Variants in TOGARAM2 observed in about 807,000 individuals in gnomAD.
TOGARAM2 encodes the protein TOG array regulator of axonemal microtubules protein 2.
A neutral mutation model predicts 93.3 loss-of-function variants in TOGARAM2; 85 were observed. That is an observed-to-expected ratio of 0.91 (90% CI 0.76 to 1.09). The LOEUF (loss-of-function observed/expected upper bound fraction) is 1.09, where lower values mean the gene tolerates loss of function less well. TOGARAM2 is among the 50% of genes least tolerant of loss of function. The probability of loss-of-function intolerance (pLI) is 0.00; values close to 1 mark genes in which losing one functional copy is unlikely to be tolerated. For missense variants in TOGARAM2, 1,277 were observed against 1,334.5 expected (o/e 0.96, Z 0.67); for synonymous variants, 593 against 552.8 (o/e 1.07, Z -1.02).
chr2:28,973,372 T>TTCTTTCC (rs1451548104), intron 1 of TOGARAM2, among the ~76,000 whole-genome samples: 6 of 104,426 alleles, frequency 5.7e-5, no homozygotes, highest in East Asian at 1.3e-3. Context: ...TCCTCCTTCC[T>TTCTTTCC]TCCCTTCCTT....
At chr2:29,040,482 G>T (rs953649580) in intron 18 of TOGARAM2, among the ~76,000 whole-genome samples, 1 of 152,184 alleles carries the variant, frequency 6.6e-6, no homozygotes, top group African/African-American at 2.4e-5. Flanking sequence ...AAATCCACCT[G>T]ATAGCAATAA....
At chr2:29,010,340 G>A (rs773672861) in intron 6 of TOGARAM2, among the ~76,000 whole-genome samples, 29 of 152,080 alleles carry the variant, frequency 1.9e-4, no homozygotes, top group Non-Finnish European at 3.7e-4. Flanking sequence ...TGGAGCATTC[G>A]CTTACTATCT....
At chr2:29,020,509 C>T (rs972102907) in intron 10 of TOGARAM2, among the ~76,000 whole-genome samples, 9 of 152,162 alleles carry the variant, frequency 5.9e-5, no homozygotes, top group African/African-American at 1.7e-4. Context: ...GGCACAAATA[C>T]GAACATGACT....
intron 19 of TOGARAM2, chr2:29,051,418 C>G (rs1341287992): frequency 5.4e-6 from 1 of 183,674 alleles, no homozygotes; most frequent in Admixed American, 6.2e-5. Context: ...CTGCCTCTTT[C>G]CTGTTCCCTG....
intron 1 of TOGARAM2, among the ~76,000 whole-genome samples, chr2:28,975,784 C>T (rs113906663): frequency 1.3e-5 from 2 of 152,088 alleles, no homozygotes; most frequent in Non-Finnish European, 2.9e-5. Flanking sequence ...GTCTAGCACA[C>T]AGATCTAGGT....
Position 29,032,916 on chromosome 2 carries a change from C to T in TOGARAM2, c.2013-18C>T. 4 of 1,603,416 alleles carry T rather than the reference C, an allele frequency of 2.5e-6. No homozygotes were observed. The highest frequency in any genetic ancestry group is 3.4e-6 in the Non-Finnish European group (4 of 1,172,174). On this transcript the variant is annotated intron_variant, in intron 14 of 19. Coordinates refer to ENST00000379558, the MANE Select transcript of TOGARAM2 (RefSeq NM_199280.4). ...TTTCAGAGGCTGTTTCTTTATCTTG[C>T]TCTCTCTCCTGTGGCAGATTTTATG...
At chr2:29,035,746 T>G in intron 17 of TOGARAM2, 90 bp downstream of exon 17, 1 of 1,215,560 alleles carries the variant, frequency 8.2e-7, no homozygotes, top group Non-Finnish European at 1.1e-6. Flanking sequence ...GTTGGACATG[T>G]GTCAGACCCC....
At chr2:29,027,426 A>G (rs1665472578) in intron 14 of TOGARAM2, among the ~76,000 whole-genome samples, 1 of 152,210 alleles carries the variant, frequency 6.6e-6, no homozygotes, top group South Asian at 2.1e-4. Flanking sequence ...GGAGACAGAT[A>G]ATAAATAAAT....
chr2:29,017,718 C>T, intron 9 of TOGARAM2, 74 bp from the exon 10 acceptor site: 1 of 1,418,722 alleles, frequency 7.0e-7, no homozygotes, highest in Non-Finnish European at 9.4e-7. Context: ...GCCATGGGTC[C>T]ATTTTCAAAG....
At chr2:28,976,273 A>C (rs1407785383) in intron 1 of TOGARAM2, among the ~76,000 whole-genome samples, 1 of 152,226 alleles carries the variant, frequency 6.6e-6, no homozygotes, top group African/African-American at 2.4e-5. Context: ...CAGGAGGCTG[A>C]GGCAGGAGAA....
At chr2:28,970,009 C>T (rs1004447172) in intron 1 of TOGARAM2, among the ~76,000 whole-genome samples, 4 of 152,066 alleles carry the variant, frequency 2.6e-5, no homozygotes, top group African/African-American at 9.7e-5. Context: ...GATGGGGTTT[C>T]ACCATGTTGG....
chr2:29,030,885 A>G (rs547263320), intron 14 of TOGARAM2, among the ~76,000 whole-genome samples: 16 of 152,206 alleles, frequency 1.1e-4, no homozygotes, highest in African/African-American at 3.9e-4. Context: ...CCACCATCTG[A>G]TGTCCTACTG....
intron 19 of TOGARAM2, chr2:29,050,678 G>A (rs1359099532): frequency 1.3e-5 from 2 of 152,202 alleles, no homozygotes; most frequent in African/African-American, 2.4e-5. Context: ...TCAATAAAGC[G>A]CTGCTGTTAG....
intron 7 of TOGARAM2, among the ~76,000 whole-genome samples, chr2:29,013,761 G>C (rs548698671): frequency 6.6e-6 from 1 of 152,184 alleles, no homozygotes; most frequent in Non-Finnish European, 1.5e-5. Context: ...CTGAGGATGG[G>C]TCCTCCTCTC....
At chr2:28,958,733 T>C (rs1198218287) in intron 1 of TOGARAM2, among the ~76,000 whole-genome samples, 25 of 152,196 alleles carry the variant, frequency 1.6e-4, no homozygotes, top group Non-Finnish European at 3.1e-4. Context: ...ACCAGGCTTG[T>C]CGGGATTGTC....
chr2:28,978,268 C>T (rs1464130183), upstream of TOGARAM2, among the ~76,000 whole-genome samples: 1 of 151,922 alleles, frequency 6.6e-6, no homozygotes, highest in Non-Finnish European at 1.5e-5. Context: ...GTGGAGGGAA[C>T]AGCATGAACA....
chr2:28,976,239 C>T (rs950092310), intron 1 of TOGARAM2, among the ~76,000 whole-genome samples: 44 of 152,164 alleles, frequency 2.9e-4, no homozygotes, highest in African/African-American at 8.4e-4. Flanking sequence ...GACGTGGTGG[C>T]GGGTGCCTGT....
At position 29,035,583 on chromosome 2, in the gene TOGARAM2, G is replaced by T. The variant is rs143303211; in HGVS notation, c.2345G>T (p.Arg782Leu). Residue 782 changes from arginine to leucine, a missense_variant, in exon 17 of 20, where the codon CGG becomes CTG. Arg to Leu is a moderately radical substitution (Grantham distance 102). Transcript: ENST00000379558. ...CTGGAGGCCAAGGACTTCCGGTCCC[G>T]GATGGAAGGCGTGGGGCAGCTCCTG... ...RLLEAKDFRSRMEGVGQLLEL... is the reference protein window; with the variant it reads ...RLLEAKDFRSLMEGVGQLLEL... 1.9e-6 allele frequency: 3 copies of T among 1,590,884 alleles called. No individual in the cohort carries two copies. Among genetic ancestry groups the T allele is most frequent in the Middle Eastern group, 1.7e-4 (1 of 5,980 alleles).
chr2:29,016,773 C>A (rs1441390195), intron 8 of TOGARAM2, among the ~76,000 whole-genome samples: 1 of 152,202 alleles, frequency 6.6e-6, no homozygotes, highest in African/African-American at 2.4e-5. Context: ...CAGCCAAGCA[C>A]ACCCGGCCTC....
Sources: gnomAD v4.1 joint callset for allele counts (sites outside exome capture counted in the v4.1 genomes callset) on GRCh38, gnomAD v4.1.1 for gene constraint, MANE v1.5 for transcripts, NCBI Gene and HGNC (gene_info 2026-07-23, HGNC 2026-07-21) for gene names.